Variants in AFG2A observed in about 807,000 individuals in gnomAD.
The protein encoded by AFG2A is ATPase family gene 2 protein homolog A.
the AFG2A span, among the ~76,000 whole-genome samples, chr4:123,208,314 T>C: frequency 6.6e-6 from 1 of 152,092 alleles, no homozygotes; most frequent in Non-Finnish European, 1.5e-5. Flanking sequence ...GGCCTAAATA[T>C]AACAGTTGCC....
the AFG2A span, among the ~76,000 whole-genome samples, chr4:123,112,342 G>C: frequency 1.3e-5 from 2 of 152,158 alleles, no homozygotes; most frequent in Non-Finnish European, 2.9e-5. Context: ...ATTTTTGTTT[G>C]TTTTATGTGA....
chr4:122,961,380 T>G, the AFG2A span, among the ~76,000 whole-genome samples: 1 of 152,242 alleles, frequency 6.6e-6, no homozygotes, highest in Non-Finnish European at 1.5e-5. Context: ...GATAGGGAAC[T>G]CTGGCAGAAT....
the AFG2A span, among the ~76,000 whole-genome samples, chr4:123,236,637 G>A: frequency 6.6e-6 from 1 of 152,162 alleles, no homozygotes; most frequent in South Asian, 2.1e-4. Context: ...TAAGGCTTAA[G>A]AGCACTTAGA....
the AFG2A span, among the ~76,000 whole-genome samples, chr4:122,951,872 G>A: frequency 0.053 from 8,082 of 152,242 alleles, 667 homozygotes; most frequent in African/African-American, 0.18. Context: ...GAGAGCATCT[G>A]TGGAGGCTCA....
the AFG2A span, among the ~76,000 whole-genome samples, chr4:122,981,958 T>C: frequency 6.6e-6 from 1 of 152,028 alleles, no homozygotes; most frequent in South Asian, 2.1e-4. Context: ...AAACAGACAA[T>C]TTTTTTCTTC....
At chr4:123,138,552 A>T in the AFG2A span, among the ~76,000 whole-genome samples, 3 of 152,282 alleles carry the variant, frequency 2.0e-5, no homozygotes, top group South Asian at 6.2e-4. Flanking sequence ...AATCAAAACA[A>T]TTTGTGATTC....
the AFG2A span, among the ~76,000 whole-genome samples, chr4:123,087,540 A>C: frequency 1.3e-5 from 2 of 152,136 alleles, no homozygotes; most frequent in Non-Finnish European, 2.9e-5. Context: ...CTCCTGCCAG[A>C]AGCACAGGGT....
the AFG2A span, chr4:122,923,155 A>G: frequency 6.2e-7 from 1 of 1,614,178 alleles, no homozygotes; most frequent in Admixed American, 1.7e-5. Context: ...GTCTTCCAAG[A>G]AGAATAGAAA....
chr4:123,059,367 T>C, the AFG2A span, among the ~76,000 whole-genome samples: 1 of 142,028 alleles, frequency 7.0e-6, no homozygotes, highest in African/African-American at 2.6e-5. Context: ...TGTGTTCTCA[T>C]TGTTCAATTC....
the AFG2A span, among the ~76,000 whole-genome samples, chr4:123,238,827 A>G: frequency 1.0e-3 from 154 of 152,360 alleles, no homozygotes; most frequent in African/African-American, 3.6e-3. Flanking sequence ...AGCTGGATGG[A>G]GAATGACTTT....
At chr4:123,107,897 C>T in the AFG2A span, among the ~76,000 whole-genome samples, 1 of 152,226 alleles carries the variant, frequency 6.6e-6, no homozygotes, top group South Asian at 2.1e-4. Flanking sequence ...TGCCCAGAGC[C>T]TGCGCCACAA....
At chr4:123,121,265 A>AAC in the AFG2A span, among the ~76,000 whole-genome samples, 1 of 147,142 alleles carries the variant, frequency 6.8e-6, no homozygotes, top group Non-Finnish European at 1.5e-5. Context: ...AAAAAATAAT[A>AAC]AATAAAAAAT....
At chr4:123,029,168 G>T in the AFG2A span, among the ~76,000 whole-genome samples, 1 of 152,100 alleles carries the variant, frequency 6.6e-6, no homozygotes, top group Non-Finnish European at 1.5e-5. Flanking sequence ...CGTGATCTTG[G>T]CTCACTGCAA....
At chr4:123,155,187 C>A in the AFG2A span, among the ~76,000 whole-genome samples, 1 of 152,098 alleles carries the variant, frequency 6.6e-6, no homozygotes, top group Non-Finnish European at 1.5e-5. Context: ...TGGGTTCAAG[C>A]AGTTCTCTCA....
chr4:123,199,958 T>C, the AFG2A span, among the ~76,000 whole-genome samples: 2 of 152,222 alleles, frequency 1.3e-5, no homozygotes, highest in South Asian at 2.1e-4. Flanking sequence ...GATATACATA[T>C]GTATGTATGT....
the AFG2A span, among the ~76,000 whole-genome samples, chr4:122,968,007 G>A: frequency 6.6e-6 from 1 of 151,818 alleles, no homozygotes; most frequent in Non-Finnish European, 1.5e-5. Context: ...TTTTTTTAGA[G>A]CAGTTTTAGG....
the AFG2A span, among the ~76,000 whole-genome samples, chr4:123,013,147 CAG>C: frequency 2.6e-5 from 4 of 151,690 alleles, no homozygotes; most frequent in Non-Finnish European, 4.4e-5. Flanking sequence ...TGGCAGGGGT[CAG>C]GGGGTCACAG....
At chr4:123,294,348 G>A in the AFG2A span, among the ~76,000 whole-genome samples, 1 of 152,178 alleles carries the variant, frequency 6.6e-6, no homozygotes, top group Admixed American at 6.5e-5. Context: ...CTGGGCACAT[G>A]AACAGTCTCA....
chr4:123,029,054 A>G, the AFG2A span, among the ~76,000 whole-genome samples: 5 of 152,248 alleles, frequency 3.3e-5, no homozygotes, highest in Non-Finnish European at 7.3e-5. Flanking sequence ...ACAAAAATAT[A>G]TACCTAAATA....
Sources: allele counts gnomAD v4.1 joint callset (sites outside exome capture counted in the v4.1 genomes callset), GRCh38; gene constraint gnomAD v4.1.1; transcripts MANE v1.5; gene names NCBI Gene and HGNC (gene_info 2026-07-23, HGNC 2026-07-21).